Variants in HTR1A observed in about 807,000 individuals in gnomAD.
The protein encoded by HTR1A is 5-hydroxytryptamine receptor 1A.
Under a neutral mutation model 24.6 loss-of-function variants are expected in HTR1A, and 17 were observed. That is an observed-to-expected ratio of 0.69 (90% confidence interval 0.47 to 1.04). HTR1A has a LOEUF of 1.04. HTR1A is among the 50% of genes least tolerant of loss of function. HTR1A has a pLI of 0.00. For synonymous variants in HTR1A, 262 were observed against 244.6 expected, an observed-to-expected ratio of 1.07 and a Z score of -0.67; for missense variants, 515 against 565.1, an observed-to-expected ratio of 0.91 and a Z score of 0.90.
Position 63,961,662 on chromosome 5 carries a change from C to G in HTR1A, c.58G>C (p.Glu20Gln). ...ATACCAGTAGTGTTGCCGCCGGTCT[C>G]AAAGGGAGCCGGTGGTGATGTGGTG... ...NNTTSPPAPF[E>Q]TGGNTTGISD... Residue 20 changes from glutamate (E) to glutamine (Q), a missense_variant, in exon 1 of 1, where the codon GAG (glutamate) becomes CAG (glutamine). By Grantham distance (29) the Glu-to-Gln change is conservative. Coordinates refer to ENST00000323865, the MANE Select transcript of HTR1A (RefSeq NM_000524.4). 1 of 1,613,846 alleles carries G rather than the reference C, an allele frequency of 6.2e-7. No individual in the cohort carries two copies. Among genetic ancestry groups the G allele is most frequent in the Non-Finnish European group, 8.5e-7 (1 of 1,180,050 alleles).
chr5:63,962,198 CT>C lies in HTR1A; in HGVS notation c.-480del, dbSNP rs367956927. ...CCTCTCTCCCCCTCTCTCCTCCTCTCTTCTCTCTCTTCTGCCTCTTTCGTCC... is the reference window on the plus strand; with the variant it reads ...CCTCTCTCCCCCTCTCTCCTCCTCTCTCTCTCTCTTCTGCCTCTTTCGTCC... On this transcript the variant is annotated 5_prime_UTR_variant, in exon 1 of 1. Coordinates refer to ENST00000323865, the MANE Select transcript of HTR1A (RefSeq NM_000524.4). The C allele has an allele frequency of 3.3e-4, 72 of 217,580 alleles. No individual in the cohort carries two copies. The East Asian group carries it at 7.6e-3, about 23-fold the overall frequency. 13.5% of individuals were successfully genotyped at this position (217,580 alleles called of 1,614,324 possible).
Position 63,961,008 on chromosome 5 carries a change from C to T in HTR1A, c.712G>A (p.Ala238Thr), listed in dbSNP as rs1746420667. Reference protein sequence around the residue: ...KTVKKVEKTGADTRHGASPAP... With the variant: ...KTVKKVEKTGTDTRHGASPAP... Reference sequence around the variant, plus strand: ...GGAGATGCTCCATGGCGGGTGTCCGCTCCGGTCTTCTCCACCTTTTTGACC... The same window carrying T: ...GGAGATGCTCCATGGCGGGTGTCCGTTCCGGTCTTCTCCACCTTTTTGACC... Residue 238 changes from alanine to threonine, a missense_variant, in exon 1 of 1, where the codon GCG (alanine) becomes ACG (threonine). Ala to Thr is a moderately conservative substitution (Grantham distance 58). Around this residue, in one of 3 missense-constraint regions of HTR1A, gnomAD observed 381 missense variants for 384.5 expected, o/e 0.99. Coordinates refer to ENST00000323865, the MANE Select transcript of HTR1A (RefSeq NM_000524.4). The T allele has an allele frequency of 6.2e-7, 1 of 1,614,132 alleles. No homozygotes were observed. Among genetic ancestry groups the T allele is most frequent in the Non-Finnish European group, 8.5e-7 (1 of 1,180,056 alleles).
At position 63,960,434 on chromosome 5, in the gene HTR1A, C is replaced by G. The variant is rs201398664; in HGVS notation, c.*17G>C. 2 of 1,613,176 alleles carry G rather than the reference C, an allele frequency of 1.2e-6. No homozygotes were observed. Among genetic ancestry groups the G allele is most frequent in the South Asian group, 1.1e-5 (1 of 91,046 alleles). ...GACGGATCCTGTAGCCTCGACTGGCCGGCTACTCCTCCGTCATCACTGGCG... is the reference window on the plus strand; with the variant it reads ...GACGGATCCTGTAGCCTCGACTGGCGGGCTACTCCTCCGTCATCACTGGCG... On this transcript the variant is annotated 3_prime_UTR_variant, in exon 1 of 1. Transcript: ENST00000323865.
In HTR1A at chr5:63,959,841, G is replaced by C. The variant is rs941011561; in HGVS notation, c.*610C>G. On this transcript the variant is annotated 3_prime_UTR_variant, in exon 1 of 1. Transcript: ENST00000323865. ...GGAATCCCGGGGGCACCGCTGGCAC[G>C]GGGAAAAGCAGCCTCTTCCGCCTCT... is the stretch of plus-strand genomic sequence containing the variant. Among the ~76,000 whole-genome samples, 1 of 152,200 alleles carries C rather than the reference G, an allele frequency of 6.6e-6. No individual in the cohort carries two copies. Among genetic ancestry groups the C allele is most frequent in the Non-Finnish European group, 1.5e-5 (1 of 68,044 alleles).
In HTR1A at chr5:63,960,466, C is replaced by T. The variant is rs1338106298; in HGVS notation, c.1254G>A (p.Lys418=). 1.9e-6 allele frequency: 3 copies of T among 1,614,112 alleles called. No individual in the cohort carries two copies. Among genetic ancestry groups the T allele is most frequent in the East Asian group, 2.2e-5 (1 of 44,888 alleles). The change falls in exon 1 of 1, where the codon AAG becomes AAA. Residue 418 remains lysine, a synonymous_variant. Coordinates refer to ENST00000323865, the MANE Select transcript of HTR1A (RefSeq NM_000524.4). ...QNAFKKIIKC[K]FCRQ ...TCCTCCGTCATCACTGGCGGCAGAA[C>T]TTACACTTAATGATCTTCTTAAACG... is the stretch of plus-strand genomic sequence containing the variant.
chr5:63,960,472 C>T lies in HTR1A; in HGVS notation c.1248G>A (p.Lys416=), dbSNP rs778270469. The change falls in exon 1 of 1, where the codon AAG becomes AAA. Residue 416 remains lysine, a synonymous_variant. Transcript: ENST00000323865. The part of the protein sequence containing the change: ...DFQNAFKKII[K]CKFCRQ ...GTCATCACTGGCGGCAGAACTTACACTTAATGATCTTCTTAAACGCGTTTT... is the reference window on the plus strand; with the variant it reads ...GTCATCACTGGCGGCAGAACTTACATTTAATGATCTTCTTAAACGCGTTTT... 3.7e-6 allele frequency: 6 copies of T among 1,614,236 alleles called. No homozygotes were observed. Among genetic ancestry groups the T allele is most frequent in the Non-Finnish European group, 5.1e-6 (6 of 1,180,044 alleles).
In HTR1A at chr5:63,961,678, T is replaced by C. The variant is rs1484241517; in HGVS notation, c.42A>G (p.Ser14=). 7.4e-6 allele frequency: 12 copies of C among 1,613,780 alleles called. No individual in the cohort carries two copies. Among genetic ancestry groups the C allele is most frequent in the East Asian group, 2.2e-5 (1 of 44,852 alleles). ...CGCCGGTCTCAAAGGGAGCCGGTGG[T>C]GATGTGGTGTTGTTGCCCTGACCAG... ...LSPGQGNNTT[S]PPAPFETGGN... is the part of the protein sequence containing the mutation. The change falls in exon 1 of 1, where the codon TCA becomes TCG. Residue 14 remains serine, a synonymous_variant. Transcript: ENST00000323865.
Position 63,960,430 on chromosome 5 carries a change from T to G in HTR1A, c.*21A>C, listed in dbSNP as rs761906027. 1.2e-5 allele frequency: 19 copies of G among 1,613,032 alleles called. No homozygotes were observed. The Admixed American group carries it at 3.2e-4, about 27-fold the overall frequency. ...ATGGGACGGATCCTGTAGCCTCGAC[T>G]GGCCGGCTACTCCTCCGTCATCACT... On this transcript the variant is annotated 3_prime_UTR_variant, in exon 1 of 1. Coordinates refer to ENST00000323865, the MANE Select transcript of HTR1A (RefSeq NM_000524.4).
At position 63,961,759 on chromosome 5, in the gene HTR1A, G is replaced by T; in HGVS notation, c.-40C>A. ...CGCGGGAAGGGGGAGGGAAGAAAAA[G>T]CAGCGCGAAGATTCGCCTCGCCCCT... On this transcript the variant is annotated 5_prime_UTR_variant, in exon 1 of 1. Coordinates refer to ENST00000323865, the MANE Select transcript of HTR1A (RefSeq NM_000524.4). 1 of 1,608,086 alleles carries T rather than the reference G, an allele frequency of 6.2e-7. No individual in the cohort carries two copies.
At position 63,960,913 on chromosome 5, in the gene HTR1A, G is replaced by T. The variant is rs777222317; in HGVS notation, c.807C>A (p.Ser269Arg). 6.2e-7 allele frequency: 1 copy of T among 1,614,002 alleles called. No homozygotes were observed. Residue 269 changes from serine to arginine, a missense_variant, in exon 1 of 1, where the codon AGC becomes AGA. Physicochemically the swap from Ser to Arg is moderately radical, Grantham distance 110 (BLOSUM62 -1). Transcript: ENST00000323865. Reference sequence around the variant, plus strand: ...TGGCGCACAGAGCACCCCCAGCCTTGCTCTCCACGCCCAGCCTCCAGTTCC... The same window carrying T: ...TGGCGCACAGAGCACCCCCAGCCTTTCTCTCCACGCCCAGCCTCCAGTTCC... ...GSRNWRLGVE[S>R]KAGGALCANG...
chr5:63,961,287 C>G lies in HTR1A; in HGVS notation c.433G>C (p.Val145Leu), dbSNP rs199752875. 6.2e-7 allele frequency: 1 copy of G among 1,614,120 alleles called. No individual in the cohort carries two copies. ...GCGCGCCGGGGCGTCCTCTTGTTCA[C>G]GTAGTCGATGGGGTCCGTGATGGCC... is the stretch of plus-strand genomic sequence containing the variant. ...YWAITDPIDY[V>L]NKRTPRRAAA... is the part of the protein sequence containing the mutation. The change falls in exon 1 of 1, where the codon GTG becomes CTG. Residue 145 changes from valine to leucine, a missense_variant. Transcript: ENST00000323865.
chr5:63,961,774 G>C lies in HTR1A; in HGVS notation c.-55C>G. 1.9e-6 allele frequency: 3 copies of C among 1,571,200 alleles called. No individual in the cohort carries two copies. The highest frequency in any genetic ancestry group is 4.5e-5 in the East Asian group (2 of 44,414). ...GGAAGAAAAAGCAGCGCGAAGATTC[G>C]CCTCGCCCCTTCCCCTGGGGTCTTC... On this transcript the variant is annotated 5_prime_UTR_variant, in exon 1 of 1. Transcript: ENST00000323865.
rs924373495 is a variant in HTR1A at position 63,961,914 on chromosome 5, C to T, written c.-195G>A. 7.1e-5 allele frequency: 44 copies of T among 623,414 alleles called. No homozygotes were observed. The African/African-American group carries it at 7.7e-4, about 11-fold the overall frequency. 38.6% of individuals were successfully genotyped at this position (623,414 alleles called of 1,614,324 possible). A position where few individuals can be genotyped will look rare whatever the true frequency, so the allele number is the denominator to read the frequency against. ...GCAGCTTTCAGGCGCTCCCTGGGCT[C>T]TCGCAGTCCAGCGCGTTCAGAAGCT... On this transcript the variant is annotated 5_prime_UTR_variant, in exon 1 of 1. Coordinates refer to ENST00000323865, the MANE Select transcript of HTR1A (RefSeq NM_000524.4).
chr5:63,960,856 G>T lies in HTR1A; in HGVS notation c.864C>A (p.Ala288=). 1 of 1,614,060 alleles carries T rather than the reference G, an allele frequency of 6.2e-7. No homozygotes were observed. The highest frequency in any genetic ancestry group is 8.5e-7 in the Non-Finnish European group (1 of 1,179,926). The stretch of plus-strand genomic sequence containing the variant: ...GGTGCACCTCGATCACCTCCAGGGC[G>T]GCGCCATCGTCACCTTGCCTCACCG... ...NGAVRQGDDG[A]ALEVIEVHRV... is the part of the protein sequence containing the mutation. Residue 288 remains alanine, a synonymous_variant, in exon 1 of 1, where the codon GCC becomes GCA. Coordinates refer to ENST00000323865, the MANE Select transcript of HTR1A (RefSeq NM_000524.4).
At position 63,960,573 on chromosome 5, in the gene HTR1A, C is replaced by A; in HGVS notation, c.1147G>T (p.Ala383Ser). Residue 383 changes from alanine (A) to serine (S), a missense_variant, in exon 1 of 1, where the codon GCC (alanine) becomes TCC (serine). Transcript: ENST00000323865. The stretch of plus-strand genomic sequence containing the variant: ...GAGTAGCCCAGCCAATTGATTATGG[C>A]GCCCAACAGGGTGGGCATGTGGCAG... Reference protein sequence around the residue: ...SSCHMPTLLGAIINWLGYSNS... With the variant: ...SSCHMPTLLGSIINWLGYSNS... 6.2e-7 allele frequency: 1 copy of A among 1,614,140 alleles called. No individual in the cohort carries two copies. Among genetic ancestry groups the A allele is most frequent in the Non-Finnish European group, 8.5e-7 (1 of 1,180,004 alleles).
At position 63,959,152 on chromosome 5, in the gene HTR1A, T is replaced by TCTACATC. The variant is rs1446100760; in HGVS notation, c.*1292_*1298dup. 1.3e-5 allele frequency among the ~76,000 whole-genome samples: 2 copies of TCTACATC among 152,206 alleles called. No individual in the cohort carries two copies. The highest frequency in any genetic ancestry group is 4.8e-5 in the African/African-American group (2 of 41,458). ...AAGAGCGTGAATTAGGAGGAAAAATTCTACATCGTAAGGATAAAATTGCTC... is the reference window on the plus strand; with the variant it reads ...AAGAGCGTGAATTAGGAGGAAAAATTCTACATCCTACATCGTAAGGATAAAATTGCTC... On this transcript the variant is annotated 3_prime_UTR_variant, in exon 1 of 1. Coordinates refer to ENST00000323865, the MANE Select transcript of HTR1A (RefSeq NM_000524.4).
In HTR1A at chr5:63,961,512, C is replaced by T. The variant is rs201160588; in HGVS notation, c.208G>A (p.Val70Met). ...AIALERSLQNVANYLIGSLAV... is the reference protein window; with the variant it reads ...AIALERSLQNMANYLIGSLAV... ...AAAGAGCCAATAAGATAATTGGCCACGTTCTGCAGGGAGCGCTCCAAGGCG... is the reference window on the plus strand; with the variant it reads ...AAAGAGCCAATAAGATAATTGGCCATGTTCTGCAGGGAGCGCTCCAAGGCG... Residue 70 changes from valine (V) to methionine (M), a missense_variant, in exon 1 of 1, where the codon GTG becomes ATG. This residue lies in a region of HTR1A where 80 missense variants were observed against 130.8 expected (regional missense o/e 0.61). Transcript: ENST00000323865. The T allele has an allele frequency of 3.1e-6, 5 of 1,614,240 alleles. No individual in the cohort carries two copies. Among genetic ancestry groups the T allele is most frequent in the Non-Finnish European group, 3.4e-6 (4 of 1,180,040 alleles).
chr5:63,960,356 G>T lies in HTR1A; in HGVS notation c.*95C>A. 7.8e-7 allele frequency: 1 copy of T among 1,276,790 alleles called. No homozygotes were observed. Among genetic ancestry groups the T allele is most frequent in the Non-Finnish European group, 1.1e-6 (1 of 875,518 alleles). 79.1% of individuals were successfully genotyped at this position (1,276,790 alleles called of 1,614,324 possible). ...GGAGCAGAGAGAAAGAGGAGAAGTGGCGAATTATCTTAAGTGTTGATTCCC... is the reference window on the plus strand; with the variant it reads ...GGAGCAGAGAGAAAGAGGAGAAGTGTCGAATTATCTTAAGTGTTGATTCCC... On this transcript the variant is annotated 3_prime_UTR_variant, in exon 1 of 1. Coordinates refer to ENST00000323865, the MANE Select transcript of HTR1A (RefSeq NM_000524.4).
At position 63,961,638 on chromosome 5, in the gene HTR1A, T is replaced by C. The variant is rs1799921; in HGVS notation, c.82A>G (p.Ile28Val). The C allele has an allele frequency of 0.011, 18,524 of 1,613,872 alleles. 130 individuals carry two copies. Among genetic ancestry groups the C allele is most frequent in the Middle Eastern group, 0.018 (112 of 6,062 alleles). ...PFETGGNTTG[I>V]SDVTVSYQVI... The stretch of plus-strand genomic sequence containing the variant: ...TGGTAGCTGACGGTCACGTCGGAGA[T>C]ACCAGTAGTGTTGCCGCCGGTCTCA... Residue 28 changes from isoleucine to valine, a missense_variant, in exon 1 of 1, where the codon ATC becomes GTC. Ile to Val is a conservative substitution (Grantham distance 29, BLOSUM62 3). Transcript: ENST00000323865.
Sources: allele counts gnomAD v4.1 joint callset (sites outside exome capture counted in the v4.1 genomes callset), GRCh38; gene constraint gnomAD v4.1.1; regional missense constraint gnomAD v4.1.1; transcripts MANE v1.5; gene names NCBI Gene and HGNC (gene_info 2026-07-23, HGNC 2026-07-21).